Variants in CALCRL observed in about 807,000 individuals in gnomAD.
The protein encoded by CALCRL is calcitonin receptor like receptor.
A neutral mutation model predicts 60.4 loss-of-function variants in CALCRL; 27 were observed. The observed-to-expected ratio is 0.45, with a 90% CI of 0.33 to 0.62. The LOEUF (loss-of-function observed/expected upper bound fraction) is 0.62, where lower values mean the gene tolerates loss of function less well. Among genes scored for constraint, CALCRL ranks in the 20% least tolerant of loss-of-function variants. The probability of loss-of-function intolerance (pLI) is 0.03; values close to 1 mark genes in which losing one functional copy is unlikely to be tolerated. For synonymous variants in CALCRL, 190 were observed against 182.6 expected, an observed-to-expected ratio of 1.04 and a Z score of -0.33; for missense variants, 424 against 540.7, an observed-to-expected ratio of 0.78 and a Z score of 2.14.
At chr2:187,410,272 T>C (rs1574290395) in intron 1 of CALCRL, among the ~76,000 whole-genome samples, 1 of 152,182 alleles carries the variant, frequency 6.6e-6, no homozygotes, top group African/African-American at 2.4e-5. Flanking sequence ...GGGATCCATT[T>C]GAGTGGAAGA....
intron 8 of CALCRL, among the ~76,000 whole-genome samples, chr2:187,370,666 T>C (rs889309424): frequency 1.3e-5 from 2 of 152,218 alleles, no homozygotes; most frequent in African/African-American, 4.8e-5. Flanking sequence ...TACCTGGGAC[T>C]CTTCTCCATA....
At chr2:187,358,172 G>C (rs1392582139) in intron 12 of CALCRL, among the ~76,000 whole-genome samples, 1 of 151,922 alleles carries the variant, frequency 6.6e-6, no homozygotes, top group African/African-American at 2.4e-5. Flanking sequence ...GCAACATAGT[G>C]AGATCCTGTC....
chr2:187,376,518 A>G (rs1687761781), intron 8 of CALCRL, among the ~76,000 whole-genome samples: 3 of 152,140 alleles, frequency 2.0e-5, no homozygotes, highest in East Asian at 3.8e-4. Flanking sequence ...TTAAAATTGA[A>G]TACTCTACAT....
At chr2:187,399,674 A>C (rs369425176) in intron 1 of CALCRL, among the ~76,000 whole-genome samples, 138 of 151,688 alleles carry the variant, frequency 9.1e-4, no homozygotes, top group African/African-American at 3.2e-3. Flanking sequence ...CCAATTAAAA[A>C]ATGGGCAGAG....
At chr2:187,386,212 A>G (rs1460872642) in intron 3 of CALCRL, among the ~76,000 whole-genome samples, 1 of 152,088 alleles carries the variant, frequency 6.6e-6, no homozygotes, top group African/African-American at 2.4e-5. Context: ...TTATAAAGGT[A>G]TTACAATAGA....
chr2:187,434,060 T>G (rs55812951), intron 1 of CALCRL, among the ~76,000 whole-genome samples: 9,400 of 152,128 alleles, frequency 0.062, 420 homozygotes, highest in East Asian at 0.19. Flanking sequence ...TTCATTTTCT[T>G]CCTCTCTTTA....
At chr2:187,381,730 A>T (rs1687994088) in intron 5 of CALCRL, among the ~76,000 whole-genome samples, 1 of 152,202 alleles carries the variant, frequency 6.6e-6, no homozygotes, top group Non-Finnish European at 1.5e-5. Context: ...CTGAGATTAC[A>T]GGTGTGAGCC....
intron 1 of CALCRL, among the ~76,000 whole-genome samples, chr2:187,430,111 A>C (rs1032584763): frequency 6.6e-6 from 1 of 152,206 alleles, no homozygotes; most frequent in Non-Finnish European, 1.5e-5. Context: ...CATCTGTCAG[A>C]TATAAGTAGG....
chr2:187,421,606 A>C (rs974605406), intron 1 of CALCRL, among the ~76,000 whole-genome samples: 2 of 152,226 alleles, frequency 1.3e-5, no homozygotes, highest in African/African-American at 4.8e-5. Flanking sequence ...CAAAGTCATC[A>C]ACTCTTGGGC....
intron 1 of CALCRL, among the ~76,000 whole-genome samples, chr2:187,408,321 G>T (rs1462173674): frequency 6.6e-6 from 1 of 151,900 alleles, no homozygotes; most frequent in African/African-American, 2.4e-5. Context: ...CTAGGGTGAG[G>T]TTTTTCTTTC....
intron 1 of CALCRL, among the ~76,000 whole-genome samples, chr2:187,418,561 A>G (rs1689718869): frequency 6.6e-6 from 1 of 152,140 alleles, no homozygotes; most frequent in African/African-American, 2.4e-5. Context: ...AATCTTCCTA[A>G]GGGTATAGGT....
chr2:187,347,196 T>C (rs558689232), intron 14 of CALCRL, among the ~76,000 whole-genome samples: 202 of 151,926 alleles, frequency 1.3e-3, no homozygotes, highest in African/African-American at 4.8e-3. Context: ...GTGAATTTTC[T>C]TCATTGTCAG....
chr2:187,382,932 A>C (rs1294744681), intron 5 of CALCRL, among the ~76,000 whole-genome samples: 1 of 152,168 alleles, frequency 6.6e-6, no homozygotes, highest in African/African-American at 2.4e-5. Context: ...TGATTTAAAT[A>C]TCTTTGTACC....
At chr2:187,363,857 A>C (rs2105736016) in intron 8 of CALCRL, among the ~76,000 whole-genome samples, 1 of 152,318 alleles carries the variant, frequency 6.6e-6, no homozygotes, top group African/African-American at 2.4e-5. Flanking sequence ...AAACTCCTGC[A>C]GCTAATTAAT....
At chr2:187,353,155 C>T (rs1205145188) in intron 12 of CALCRL, among the ~76,000 whole-genome samples, 2 of 151,880 alleles carry the variant, frequency 1.3e-5, no homozygotes, top group African/African-American at 2.4e-5. Flanking sequence ...CTCTTATTTT[C>T]ACCCAAGTTA....
At chr2:187,363,558 A>T (rs796112176) in intron 8 of CALCRL, 56 bp from the exon 9 acceptor site, 9 of 1,475,310 alleles carry the variant, frequency 6.1e-6, no homozygotes, top group Middle Eastern at 2.0e-4. Context: ...TTTATTAATC[A>T]TTATTCAAAT....
Position 187,351,154 on chromosome 2 carries a change from G to A in CALCRL, c.1170+766C>T, listed in dbSNP as rs1308773182. ...CAAAAAATTAGCCGGGCGCGGTGGC[G>A]GGCGCCTGTAGTCCCAGCTACTCGG... On this transcript the variant is annotated intron_variant, in intron 14 of 14. Transcript: ENST00000392370. 8.5e-5 allele frequency among the ~76,000 whole-genome samples: 2 copies of A among 23,608 alleles called. 1 individual carries two copies. The highest frequency in any genetic ancestry group is 4.9e-4 in the African/African-American group (2 of 4,100). The allele number at this position is 23,608 out of a possible 152,430, so 15.5% of individuals were successfully genotyped here.
chr2:187,369,004 G>T (rs1687413394), intron 8 of CALCRL, among the ~76,000 whole-genome samples: 2 of 152,140 alleles, frequency 1.3e-5, no homozygotes, highest in South Asian at 4.1e-4. Flanking sequence ...TTTGGAGGCT[G>T]CTGGTGATCC....
chr2:187,346,425 G>C (rs1277246965), intron 14 of CALCRL, 26 bp from the exon 15 acceptor site: 1 of 1,506,256 alleles, frequency 6.6e-7, no homozygotes, highest in East Asian at 2.3e-5. Context: ...AAAACAGAAA[G>C]AACAAGAACA....
Sources: allele counts gnomAD v4.1 joint callset (sites outside exome capture counted in the v4.1 genomes callset), GRCh38; gene constraint gnomAD v4.1.1; transcripts MANE v1.5; gene names NCBI Gene and HGNC (gene_info 2026-07-23, HGNC 2026-07-21).